Variants in RC3H2 observed in about 807,000 individuals in gnomAD.
The protein encoded by RC3H2 is ring finger and CCCH-type domains 2.
RC3H2 carries 31 observed loss-of-function variants against 133.3 expected under a neutral mutation model. The ratio of observed to expected loss-of-function variants is 0.23; its 90% CI spans 0.17 to 0.31. RC3H2 has a LOEUF of 0.31. Among genes scored for constraint, RC3H2 ranks in the 10% least tolerant of loss-of-function variants. The pLI is 1.00. For missense variants in RC3H2, 1,175 were observed against 1,437.2 expected (o/e 0.82, Z 2.95); for synonymous variants, 517 against 502.2 (o/e 1.03, Z -0.40).
At chr9:122,896,228 G>C (rs899825156) in intron 2 of RC3H2, among the ~76,000 whole-genome samples, 3 of 151,752 alleles carry the variant, frequency 2.0e-5, no homozygotes, top group Non-Finnish European at 2.9e-5. Context: ...CACATGTTCA[G>C]AAGAAATCAT....
chr9:122,892,818 C>T (rs1410181418), intron 3 of RC3H2, 91 bp downstream of exon 3: 3 of 942,790 alleles, frequency 3.2e-6, no homozygotes, highest in Non-Finnish European at 4.9e-6. Context: ...ACTCCTTTTC[C>T]ATAACTTAAT....
At chr9:122,875,075 T>A (rs1564301690) in intron 9 of RC3H2, 18 of 1,237,698 alleles carry the variant, frequency 1.5e-5, no homozygotes, top group Non-Finnish European at 1.7e-5. Flanking sequence ...ACAAGCTGAA[T>A]GTATTTCCTG....
chr9:122,882,231 T>G (rs1000097789), intron 5 of RC3H2, among the ~76,000 whole-genome samples: 1 of 152,218 alleles, frequency 6.6e-6, no homozygotes, highest in African/African-American at 2.4e-5. Flanking sequence ...CTAGTGAGGT[T>G]GTGTGTGGAA....
chr9:122,845,098 G>A lies in RC3H2; in HGVS notation c.*4529C>T, dbSNP rs1300504719. 6 of 152,154 alleles carry A rather than the reference G, an allele frequency of 3.9e-5. No homozygotes were observed. The highest frequency in any genetic ancestry group is 3.9e-4 in the Admixed American group (6 of 15,274). The allele number at this position is 152,154 out of a possible 1,614,324, so 9.4% of individuals were successfully genotyped here. On this transcript the variant is annotated 3_prime_UTR_variant, in exon 21 of 21. Coordinates refer to ENST00000357244, the MANE Select transcript of RC3H2 (RefSeq NM_001100588.3). ...TGCAAAGAAAATGTCTAATACAGAC[G>A]TAAAAATATTCACACTAGAGCTTCA...
chr9:122,857,121 T>C (rs1040517545), intron 13 of RC3H2, among the ~76,000 whole-genome samples: 1 of 152,170 alleles, frequency 6.6e-6, no homozygotes, highest in African/African-American at 2.4e-5. Flanking sequence ...ACTGACTGAG[T>C]TGATAACCGT....
At chr9:122,886,041 C>A (rs896039664) in intron 4 of RC3H2, among the ~76,000 whole-genome samples, 1 of 152,158 alleles carries the variant, frequency 6.6e-6, no homozygotes, top group Non-Finnish European at 1.5e-5. Context: ...GTGTGCACCA[C>A]CATGCCCAGC....
chr9:122,897,523 T>C lies in RC3H2; in HGVS notation c.-14A>G, dbSNP rs1174852844. ...CTGCACAGGCATTGTGGAAGCTGGATGCTCGGGTTAGCAGTCTAGCAGATC... is the reference window on the plus strand; with the variant it reads ...CTGCACAGGCATTGTGGAAGCTGGACGCTCGGGTTAGCAGTCTAGCAGATC... On this transcript the variant is annotated 5_prime_UTR_variant, in exon 2 of 21. Coordinates refer to ENST00000357244, the MANE Select transcript of RC3H2 (RefSeq NM_001100588.3). 6.2e-7 allele frequency: 1 copy of C among 1,609,340 alleles called. No individual in the cohort carries two copies. The highest frequency in any genetic ancestry group is 1.3e-5 in the African/African-American group (1 of 74,912).
In RC3H2 at chr9:122,857,910, A is replaced by C; in HGVS notation, c.2454+13T>G. ...CTATCCCTGCAACATTAAGTAATTA[A>C]AACCTTTCTTACATCCGCACGAAAG... On this transcript the variant is annotated intron_variant, in intron 13 of 20. Coordinates refer to ENST00000357244, the MANE Select transcript of RC3H2 (RefSeq NM_001100588.3). 1 of 1,610,316 alleles carries C rather than the reference A, an allele frequency of 6.2e-7. No homozygotes were observed. The highest frequency in any genetic ancestry group is 8.5e-7 in the Non-Finnish European group (1 of 1,177,770).
intron 10 of RC3H2, among the ~76,000 whole-genome samples, chr9:122,862,891 C>CAAAAAA (rs1168612532): frequency 6.2e-5 from 3 of 48,128 alleles, no homozygotes; most frequent in Non-Finnish European, 1.3e-4. Flanking sequence ...GACTCCATCT[C>CAAAAAA]AAAAAAAAAA....
chr9:122,882,365 A>C (rs770667900), intron 5 of RC3H2, among the ~76,000 whole-genome samples: 18 of 152,360 alleles, frequency 1.2e-4, no homozygotes, highest in Middle Eastern at 3.4e-3. Context: ...TTCTATTATC[A>C]ACTACCTGTT....
At position 122,905,287 on chromosome 9, in the gene RC3H2, GCCTCCTCCTCCTC is replaced by G; in HGVS notation, c.-258_-246del. 2 of 985,776 alleles carry G rather than the reference GCCTCCTCCTCCTC, an allele frequency of 2.0e-6. No individual in the cohort carries two copies. Among genetic ancestry groups the G allele is most frequent in the Non-Finnish European group, 2.4e-6 (2 of 830,112 alleles). 61.1% of individuals were successfully genotyped at this position (985,776 alleles called of 1,614,324 possible). A position where few individuals can be genotyped will look rare whatever the true frequency, so the allele number is the denominator to read the frequency against. The stretch of plus-strand genomic sequence containing the variant: ...TGGCGGCGGCGAAGGCCGCGACGGG[GCCTCCTCCTCCTC>G]CCTCCACCTCCGCCTCCTCCTCCTC... On this transcript the variant is annotated 5_prime_UTR_variant, in exon 1 of 21. Coordinates refer to ENST00000357244, the MANE Select transcript of RC3H2 (RefSeq NM_001100588.3).
chr9:122,854,455 G>T, intron 16 of RC3H2, 76 bp downstream of exon 16: 1 of 1,231,818 alleles, frequency 8.1e-7, no homozygotes, highest in Non-Finnish European at 1.2e-6. Flanking sequence ...TTCATGAACT[G>T]GGGGTAGAAT....
Position 122,849,558 on chromosome 9 carries a change from T to G in RC3H2, c.*69A>C. ...AAAAATATACATTATATAATATATATTATATATATAAAAAGCTAGTGTAAA... is the reference window on the plus strand; with the variant it reads ...AAAAATATACATTATATAATATATAGTATATATATAAAAAGCTAGTGTAAA... On this transcript the variant is annotated 3_prime_UTR_variant, in exon 21 of 21. Transcript: ENST00000357244. 1.5e-6 allele frequency: 1 copy of G among 645,634 alleles called. No individual in the cohort carries two copies. The highest frequency in any genetic ancestry group is 2.5e-5 in the South Asian group (1 of 39,290). The allele number at this position is 645,634 out of a possible 1,614,324, so 40.0% of individuals were successfully genotyped here. A position where few individuals can be genotyped will look rare whatever the true frequency, so the allele number is the denominator to read the frequency against.
chr9:122,894,325 GAC>G (rs1832327981), intron 2 of RC3H2, among the ~76,000 whole-genome samples: 1 of 152,064 alleles, frequency 6.6e-6, no homozygotes, highest in South Asian at 2.1e-4. Context: ...CCATGCACTG[GAC>G]ACAGTTATAG....
chr9:122,888,002 C>T lies in RC3H2; in HGVS notation c.583+2310G>A, dbSNP rs1011690520. Among the ~76,000 whole-genome samples, 3 of 152,074 alleles carry T rather than the reference C, an allele frequency of 2.0e-5. No individual in the cohort carries two copies. The South Asian group carries it at 6.2e-4, about 31-fold the overall frequency. ...TCAGGTGATCCACCCGCCTCGGCCT[C>T]CCAAAGTGCTGGGATTACAGGCGTG... On this transcript the variant is annotated intron_variant, in intron 4 of 20. Transcript: ENST00000357244.
At chr9:122,895,554 C>T (rs1376395209) in intron 2 of RC3H2, among the ~76,000 whole-genome samples, 1 of 152,098 alleles carries the variant, frequency 6.6e-6, no homozygotes, top group Non-Finnish European at 1.5e-5. Context: ...ACTCCATTAA[C>T]AAAAATATAC....
intron 1 of RC3H2, among the ~76,000 whole-genome samples, chr9:122,899,197 G>A (rs551580124): frequency 7.2e-6 from 1 of 138,028 alleles, no homozygotes; most frequent in Non-Finnish European, 1.5e-5. Flanking sequence ...CTGCCTCCCA[G>A]GTTCAAGTGA....
At chr9:122,897,633 T>A (rs1832479807) in intron 1 of RC3H2, 57 bp from the exon 2 acceptor site, 1 of 1,215,256 alleles carries the variant, frequency 8.2e-7, no homozygotes, top group East Asian at 2.6e-5. Context: ...CTTTGAAGAG[T>A]TAATTGCTTA....
intron 10 of RC3H2, 85 bp downstream of exon 10, chr9:122,865,264 G>A (rs1053029824): frequency 3.5e-6 from 4 of 1,132,544 alleles, no homozygotes; most frequent in African/African-American, 3.1e-5. Context: ...CTGATTAACC[G>A]GTATTCATCA....
Sources: allele counts gnomAD v4.1 joint callset (sites outside exome capture counted in the v4.1 genomes callset), GRCh38; gene constraint gnomAD v4.1.1; transcripts MANE v1.5; gene names NCBI Gene and HGNC (gene_info 2026-07-23, HGNC 2026-07-21).